DLG2: variants seen among roughly 807,000 people sequenced by gnomAD.
The protein encoded by DLG2 is discs large MAGUK scaffold protein 2.
In DLG2, 45 loss-of-function variants were observed where a neutral mutation model predicts 132.5. The observed-to-expected ratio is 0.34, with a 90% confidence interval of 0.27 to 0.44. DLG2 has a LOEUF of 0.44. DLG2 is among the 20% of genes least tolerant of loss of function. DLG2 has a pLI of 1.00. For missense variants in DLG2, 1,045 were observed against 1,196.9 expected, an observed-to-expected ratio of 0.87 and a Z score of 1.87; for synonymous variants, 424 against 419.6, an observed-to-expected ratio of 1.01 and a Z score of -0.13.
At chr11:83,921,604 C>G (rs550051857) in intron 15 of DLG2, among the ~76,000 whole-genome samples, 1 of 152,270 alleles carries the variant, frequency 6.6e-6, no homozygotes, top group South Asian at 2.1e-4. Context: ...TTTAACGTTA[C>G]TATCTTGATT....
intron 3 of DLG2, among the ~76,000 whole-genome samples, chr11:85,486,992 T>C (rs1344697020): frequency 1.5e-5 from 2 of 137,926 alleles, no homozygotes; most frequent in Admixed American, 7.2e-5. Flanking sequence ...CTAATAATCA[T>C]ACCCTAAACC....
At chr11:83,787,621 G>A (rs367753564) in intron 17 of DLG2, among the ~76,000 whole-genome samples, 2 of 152,146 alleles carry the variant, frequency 1.3e-5, no homozygotes, top group South Asian at 2.1e-4. Flanking sequence ...GCGCCCGGCC[G>A]CCTTGTTTTA....
At chr11:84,505,709 A>T (rs61897750) in intron 7 of DLG2, among the ~76,000 whole-genome samples, 3 of 152,134 alleles carry the variant, frequency 2.0e-5, no homozygotes. Flanking sequence ...ATTTAATAGT[A>T]GCAATAGTAA....
At chr11:84,534,446 G>T in intron 7 of DLG2, 124 bp downstream of exon 7, 1 of 947,208 alleles carries the variant, frequency 1.1e-6, no homozygotes, top group Non-Finnish European at 1.6e-6. Context: ...AGACCCTTTG[G>T]CAACCCGTGT....
At chr11:83,882,824 A>C (rs567689041) in intron 15 of DLG2, among the ~76,000 whole-genome samples, 1 of 152,330 alleles carries the variant, frequency 6.6e-6, no homozygotes, top group South Asian at 2.1e-4. Flanking sequence ...ACCAGGTATT[A>C]GTTCTTTCCT....
chr11:83,859,138 T>G (rs2061018796), intron 16 of DLG2, among the ~76,000 whole-genome samples: 1 of 152,208 alleles, frequency 6.6e-6, no homozygotes. Flanking sequence ...TATGTCTTTA[T>G]AAGCTGCATG....
chr11:84,290,115 C>T (rs1259736183), intron 7 of DLG2, among the ~76,000 whole-genome samples: 1 of 152,132 alleles, frequency 6.6e-6, no homozygotes, highest in Non-Finnish European at 1.5e-5. Context: ...TAGATGTCAA[C>T]TCAGATCATG....
intron 3 of DLG2, among the ~76,000 whole-genome samples, chr11:85,418,522 G>C (rs983927801): frequency 1.3e-5 from 2 of 152,134 alleles, no homozygotes; most frequent in Non-Finnish European, 2.9e-5. Context: ...TCATTGATCT[G>C]TCTAATATTG....
chr11:84,375,300 T>C (rs186442477), intron 7 of DLG2, among the ~76,000 whole-genome samples: 2 of 152,270 alleles, frequency 1.3e-5, no homozygotes, highest in East Asian at 1.9e-4. Context: ...ACAAGACATA[T>C]GATTTCTGAG....
intron 5 of DLG2, among the ~76,000 whole-genome samples, chr11:85,127,461 A>T (rs1163580448): frequency 6.6e-6 from 1 of 152,028 alleles, no homozygotes; most frequent in Non-Finnish European, 1.5e-5. Flanking sequence ...TCATTTCCAT[A>T]GCACTCTATA....
At chr11:84,444,812 T>C (rs1378643836) in intron 7 of DLG2, among the ~76,000 whole-genome samples, 1 of 151,932 alleles carries the variant, frequency 6.6e-6, no homozygotes, top group Non-Finnish European at 1.5e-5. Flanking sequence ...TTTTTTTTTT[T>C]TTTTTCTTTG....
chr11:83,514,607 C>A lies in DLG2; in HGVS notation c.2193+18101G>T, dbSNP rs191673990. Among the ~76,000 whole-genome samples the A allele has an allele frequency of 1.3e-3, 194 of 152,208 alleles. 5 individuals are homozygous for A. The highest frequency in any genetic ancestry group is 0.011 in the Admixed American group (166 of 15,298). On this transcript the variant is annotated intron_variant, in intron 21 of 27. Transcript: ENST00000376104. ...GAGAGAAGACATCCCTGTCTTGTGC[C>A]AGTTTTCAAAGGGAATGCTTCCAGT...
chr11:84,932,130 C>T (rs2048165820), intron 6 of DLG2, among the ~76,000 whole-genome samples: 1 of 152,066 alleles, frequency 6.6e-6, no homozygotes, highest in African/African-American at 2.4e-5. Context: ...TAATTCATTC[C>T]CATTTGTCAA....
chr11:84,355,694 G>T (rs973263560), intron 7 of DLG2, among the ~76,000 whole-genome samples: 13 of 152,208 alleles, frequency 8.5e-5, no homozygotes, highest in Admixed American at 8.5e-4. Context: ...GAGGTAAGAT[G>T]AAGAATCAGA....
intron 6 of DLG2, among the ~76,000 whole-genome samples, chr11:84,907,231 C>A (rs1940124): frequency 6.6e-6 from 1 of 152,088 alleles, no homozygotes; most frequent in Non-Finnish European, 1.5e-5. Context: ...ATTCAACATA[C>A]GACTAACTGG....
intron 3 of DLG2, among the ~76,000 whole-genome samples, chr11:85,420,979 G>T (rs2090257374): frequency 6.6e-6 from 1 of 151,336 alleles, no homozygotes; most frequent in Non-Finnish European, 1.5e-5. Flanking sequence ...GTGCCATTGG[G>T]GTATTAAAAA....
intron 7 of DLG2, among the ~76,000 whole-genome samples, chr11:84,442,197 A>C (rs982263959): frequency 4.6e-5 from 7 of 152,064 alleles, no homozygotes; most frequent in Non-Finnish European, 7.4e-5. Context: ...TGAATCTATA[A>C]ATTACTTTGG....
At chr11:84,195,582 A>G (rs2096500723) in intron 8 of DLG2, among the ~76,000 whole-genome samples, 1 of 152,244 alleles carries the variant, frequency 6.6e-6, no homozygotes, top group African/African-American at 2.4e-5. Flanking sequence ...GCTAGGCTCA[A>G]ACTCTAACCT....
chr11:83,528,227 A>G (rs909002443), intron 21 of DLG2, among the ~76,000 whole-genome samples: 7 of 152,218 alleles, frequency 4.6e-5, no homozygotes, highest in African/African-American at 1.7e-4. Flanking sequence ...AGGCACACAG[A>G]GTGGATAGAA....
Sources: gnomAD v4.1 joint callset for allele counts (sites outside exome capture counted in the v4.1 genomes callset) on GRCh38, gnomAD v4.1.1 for gene constraint, MANE v1.5 for transcripts, NCBI Gene and HGNC (gene_info 2026-07-23, HGNC 2026-07-21) for gene names.